Variants in TLL1 observed in about 807,000 individuals in gnomAD.
TLL1 encodes tolloid like 1.
In TLL1, 49 loss-of-function variants were observed where a neutral mutation model predicts 128.2. That is an observed-to-expected ratio of 0.38 (90% confidence interval 0.30 to 0.48). TLL1 has a LOEUF of 0.48. Among genes scored for constraint, TLL1 ranks in the 20% least tolerant of loss-of-function variants. The probability of loss-of-function intolerance (pLI) is 0.96; values close to 1 mark genes in which losing one functional copy is unlikely to be tolerated. For synonymous variants in TLL1, 454 were observed against 418.8 expected, an observed-to-expected ratio of 1.08 and a Z score of -1.03; for missense variants, 1,123 against 1,242.0, an observed-to-expected ratio of 0.90 and a Z score of 1.44.
intron 9 of TLL1, among the ~76,000 whole-genome samples, chr4:166,033,736 G>C (rs1441520101): frequency 6.6e-6 from 1 of 152,246 alleles, no homozygotes; most frequent in East Asian, 1.9e-4. Flanking sequence ...AGGGATTTCT[G>C]TTCAATCTAA....
At chr4:166,081,530 C>T (rs369081567) in intron 18 of TLL1, among the ~76,000 whole-genome samples, 1 of 152,090 alleles carries the variant, frequency 6.6e-6, no homozygotes, top group Non-Finnish European at 1.5e-5. Flanking sequence ...CTGCAGTTTC[C>T]GTTAGTTCTA....
At chr4:165,924,279 C>T (rs1412244091) in intron 1 of TLL1, among the ~76,000 whole-genome samples, 1 of 152,160 alleles carries the variant, frequency 6.6e-6, no homozygotes, top group African/African-American at 2.4e-5. Flanking sequence ...TCTTGGGCCA[C>T]AGAGTTACCC....
chr4:165,901,205 T>G (rs1731968444), intron 1 of TLL1, among the ~76,000 whole-genome samples: 1 of 152,054 alleles, frequency 6.6e-6, no homozygotes, highest in African/African-American at 2.4e-5. Context: ...CTCAGAGGAG[T>G]TTGTTATTAC....
intron 1 of TLL1, among the ~76,000 whole-genome samples, chr4:165,948,538 G>A (rs1398939512): frequency 6.6e-6 from 1 of 152,076 alleles, no homozygotes. Flanking sequence ...CAAGGTTGAC[G>A]AGCTACAAGT....
At chr4:166,032,338 A>G (rs1044589182) in intron 9 of TLL1, among the ~76,000 whole-genome samples, 1 of 152,114 alleles carries the variant, frequency 6.6e-6, no homozygotes, top group African/African-American at 2.4e-5. Flanking sequence ...TTTGTACCAG[A>G]CCAAATTTTT....
chr4:166,103,294 G>A lies in TLL1; in HGVS notation c.*2418G>A, dbSNP rs941175327. ...GTAAAACTTACAGGATAAGCATTTT[G>A]CTCTTTTTAAGAACAGCATGAAATT... On this transcript the variant is annotated 3_prime_UTR_variant, in exon 21 of 21. Coordinates refer to ENST00000061240, the MANE Select transcript of TLL1 (RefSeq NM_012464.5). 6.6e-6 allele frequency: 1 copy of A among 151,712 alleles called. No individual in the cohort carries two copies. The highest frequency in any genetic ancestry group is 6.6e-5 in the Admixed American group (1 of 15,168). 9.4% of individuals were successfully genotyped at this position (151,712 alleles called of 1,614,324 possible).
intron 9 of TLL1, among the ~76,000 whole-genome samples, chr4:166,032,012 T>G (rs1052894010): frequency 1.1e-4 from 17 of 152,282 alleles, no homozygotes; most frequent in Admixed American, 9.2e-4. Context: ...GAGTAACTTA[T>G]CTAACGTCAC....
intron 20 of TLL1, among the ~76,000 whole-genome samples, chr4:166,099,747 T>A (rs1333450791): frequency 6.6e-6 from 1 of 152,128 alleles, no homozygotes; most frequent in Non-Finnish European, 1.5e-5. Context: ...GTGAAACCGA[T>A]GAAATCAGTA....
chr4:165,945,288 A>C (rs1288448975), intron 1 of TLL1, among the ~76,000 whole-genome samples: 2 of 151,780 alleles, frequency 1.3e-5, no homozygotes, highest in Non-Finnish European at 3.0e-5. Flanking sequence ...TAACGGCAGC[A>C]TATCTAGACA....
Position 166,057,180 on chromosome 4 carries a change from A to G in TLL1, c.1721-4A>G, listed in dbSNP as rs769306735. 8.1e-6 allele frequency: 13 copies of G among 1,613,808 alleles called. No individual in the cohort carries two copies. The highest frequency in any genetic ancestry group is 7.6e-6 in the Non-Finnish European group (9 of 1,179,872). On this transcript the variant is annotated splice_region_variant and splice_polypyrimidine_tract_variant and intron_variant, in intron 13 of 20. Coordinates refer to ENST00000061240, the MANE Select transcript of TLL1 (RefSeq NM_012464.5). ...TTGTTCTATAACTATGACCATTTTC[A>G]TAGAGGAAGATGAGTGTGCCAAACC...
chr4:166,058,819 G>A (rs1319623066), intron 14 of TLL1, among the ~76,000 whole-genome samples: 1 of 152,096 alleles, frequency 6.6e-6, no homozygotes, highest in Non-Finnish European at 1.5e-5. Flanking sequence ...GTTCTCTACT[G>A]TACCTGTAAT....
chr4:166,056,042 C>T (rs1396085027), intron 13 of TLL1, among the ~76,000 whole-genome samples: 1 of 151,958 alleles, frequency 6.6e-6, no homozygotes, highest in African/African-American at 2.4e-5. Context: ...TAAATATTGT[C>T]ATAATTTAAA....
At chr4:166,004,054 G>T (rs577678696) in intron 6 of TLL1, among the ~76,000 whole-genome samples, 52 of 152,128 alleles carry the variant, frequency 3.4e-4, no homozygotes, top group African/African-American at 1.2e-3. Flanking sequence ...AATATAAATA[G>T]TTTTTTCTGA....
chr4:165,893,108 A>G (rs1346488157), intron 1 of TLL1, among the ~76,000 whole-genome samples: 1 of 152,180 alleles, frequency 6.6e-6, no homozygotes, highest in Non-Finnish European at 1.5e-5. Context: ...AGGATTTGTA[A>G]TTGAGTGTTT....
chr4:165,991,949 A>G (rs1736656642), intron 2 of TLL1, among the ~76,000 whole-genome samples: 1 of 151,986 alleles, frequency 6.6e-6, no homozygotes, highest in Non-Finnish European at 1.5e-5. Flanking sequence ...AGAATAGAGA[A>G]AATAGGTGAC....
intron 1 of TLL1, among the ~76,000 whole-genome samples, chr4:165,954,720 A>G (rs955176874): frequency 6.6e-6 from 1 of 152,266 alleles, no homozygotes; most frequent in African/African-American, 2.4e-5. Context: ...GAAAGCACCC[A>G]GAAACAAAGG....
intron 1 of TLL1, among the ~76,000 whole-genome samples, chr4:165,977,738 C>A (rs2110990360): frequency 6.6e-6 from 1 of 152,232 alleles, no homozygotes; most frequent in African/African-American, 2.4e-5. Context: ...TCTAGCAATA[C>A]TTATAATCAA....
At chr4:165,942,561 G>A (rs1734067046) in intron 1 of TLL1, among the ~76,000 whole-genome samples, 2 of 150,980 alleles carry the variant, frequency 1.3e-5, no homozygotes. Context: ...TAGTAGGGAA[G>A]TAATTGAGAG....
chr4:166,063,999 A>T (rs563078620), intron 15 of TLL1, among the ~76,000 whole-genome samples: 3 of 143,346 alleles, frequency 2.1e-5, no homozygotes, highest in Non-Finnish European at 3.1e-5. Flanking sequence ...TATAATAATT[A>T]AAAAAAAAAA....
Sources: allele counts gnomAD v4.1 joint callset (sites outside exome capture counted in the v4.1 genomes callset), GRCh38; gene constraint gnomAD v4.1.1; transcripts MANE v1.5; gene names NCBI Gene and HGNC (gene_info 2026-07-23, HGNC 2026-07-21).